MTHFD1L: variants seen among roughly 807,000 people sequenced by gnomAD.
MTHFD1L encodes monofunctional C1-tetrahydrofolate synthase, mitochondrial.
Under a neutral mutation model 119.5 loss-of-function variants are expected in MTHFD1L, and 81 were observed. The observed-to-expected ratio is 0.68, with a 90% CI of 0.57 to 0.82. MTHFD1L has a LOEUF of 0.82. Among genes scored for constraint, MTHFD1L ranks in the 40% least tolerant of loss-of-function variants. MTHFD1L has a pLI of 0.00. For synonymous variants in MTHFD1L, 430 were observed against 475.2 expected (o/e 0.90, Z 1.24); for missense variants, 1,125 against 1,253.4 (o/e 0.90, Z 1.55).
At chr6:151,015,056 A>G in intron 23 of MTHFD1L, 76 bp downstream of exon 23, 2 of 1,215,682 alleles carry the variant, frequency 1.6e-6, no homozygotes, top group Non-Finnish European at 2.4e-6. Context: ...GTCTTGGGGT[A>G]TTTGGTCTTT....
intron 19 of MTHFD1L, among the ~76,000 whole-genome samples, chr6:150,968,965 C>G (rs1797639205): frequency 6.6e-6 from 1 of 151,098 alleles, no homozygotes; most frequent in African/African-American, 2.4e-5. Context: ...TCTCCTGCCT[C>G]AGCCTCCTGA....
At chr6:151,083,442 C>T (rs1793420106) in intron 26 of MTHFD1L, among the ~76,000 whole-genome samples, 1 of 152,172 alleles carries the variant, frequency 6.6e-6, no homozygotes, top group African/African-American at 2.4e-5. Flanking sequence ...GTGATCTGCC[C>T]ACCTCGGCCT....
At chr6:150,973,505 G>T (rs1302580525) in intron 20 of MTHFD1L, among the ~76,000 whole-genome samples, 1 of 152,222 alleles carries the variant, frequency 6.6e-6, no homozygotes, top group African/African-American at 2.4e-5. Context: ...GCACTGGAAA[G>T]TTGGGTGCTT....
In MTHFD1L at chr6:150,922,303, G is replaced by C. The variant is rs754764613; in HGVS notation, c.1082+1G>C. On this transcript the variant is annotated splice_donor_variant, in intron 10 of 27. Coordinates refer to ENST00000367321, the MANE Select transcript of MTHFD1L (RefSeq NM_015440.5). LOFTEE classifies it high-confidence loss of function. The stretch of plus-strand genomic sequence containing the variant: ...TTCAGCCTCTCTCCCCTGTGCCAAG[G>C]TAACACTGGTGTTTTATTTACACTG... The C allele has an allele frequency of 3.1e-6, 5 of 1,612,904 alleles. No individual in the cohort carries two copies. The South Asian group carries it at 4.4e-5, about 14-fold the overall frequency.
intron 8 of MTHFD1L, among the ~76,000 whole-genome samples, chr6:150,913,770 G>A (rs1431980440): frequency 6.6e-6 from 1 of 152,160 alleles, no homozygotes; most frequent in Non-Finnish European, 1.5e-5. Context: ...TAAGTGGGCT[G>A]ATTGCTTGAG....
intron 11 of MTHFD1L, among the ~76,000 whole-genome samples, chr6:150,927,451 G>C (rs1484986270): frequency 7.3e-6 from 1 of 137,018 alleles, no homozygotes. Context: ...TCACATCCCA[G>C]ATTCTTTTTT....
rs142765069 is a variant in MTHFD1L at position 150,963,077 on chromosome 6, G to C, written c.1945-1892G>C. On this transcript the variant is annotated intron_variant, in intron 18 of 27. Transcript: ENST00000367321. ...ATGACAGGCACCTGCCACCATGCCT[G>C]GCTAATTTTTGTATTTTTAGTAGAG... Among the ~76,000 whole-genome samples the C allele has an allele frequency of 3.7e-3, 560 of 151,890 alleles. 1 individual carries two copies. Among genetic ancestry groups the C allele is most frequent in the Non-Finnish European group, 6.2e-3 (420 of 67,928 alleles).
intron 1 of MTHFD1L, among the ~76,000 whole-genome samples, chr6:150,874,949 C>T (rs1780161357): frequency 6.6e-6 from 1 of 152,060 alleles, no homozygotes. Context: ...GGGGTTTCAC[C>T]ATATTGGCCA....
chr6:150,936,433 A>C (rs1347337591), intron 11 of MTHFD1L, among the ~76,000 whole-genome samples: 1 of 152,148 alleles, frequency 6.6e-6, no homozygotes, highest in Admixed American at 6.6e-5. Flanking sequence ...CTGTGCCCAC[A>C]CCCTGCCCCA....
chr6:151,055,193 G>A (rs1789689928), intron 26 of MTHFD1L, among the ~76,000 whole-genome samples: 1 of 152,122 alleles, frequency 6.6e-6, no homozygotes, highest in South Asian at 2.1e-4. Flanking sequence ...TTAAACCCAG[G>A]AGATGGAGTT....
intron 26 of MTHFD1L, among the ~76,000 whole-genome samples, chr6:151,052,158 C>T (rs1215174405): frequency 2.6e-5 from 4 of 152,202 alleles, no homozygotes; most frequent in Admixed American, 1.3e-4. Context: ...GACTGACCCG[C>T]GAGTGCCCTG....
At chr6:150,967,946 A>G (rs965001981) in intron 19 of MTHFD1L, among the ~76,000 whole-genome samples, 2 of 152,092 alleles carry the variant, frequency 1.3e-5, no homozygotes, top group East Asian at 1.9e-4. Flanking sequence ...GAAAAGCCCT[A>G]GGGATCTGGC....
chr6:151,021,974 A>C, intron 24 of MTHFD1L: 1 of 470,436 alleles, frequency 2.1e-6, no homozygotes, highest in Non-Finnish European at 4.4e-6. Flanking sequence ...CCTTGACAGC[A>C]AGACAGGATA....
chr6:150,990,233 T>C (rs1778867763), intron 20 of MTHFD1L, among the ~76,000 whole-genome samples: 2 of 151,572 alleles, frequency 1.3e-5, no homozygotes, highest in Admixed American at 6.6e-5. Flanking sequence ...GAGCCTAGAT[T>C]GTACCACTGC....
rs960832602 is a variant in MTHFD1L, at chr6:151,061,143, C to T, written c.2847+24026C>T. Reference sequence around the variant, plus strand: ...TAAAGAACCTAGAAACAATTTTAGGCGGAAGATAGTTGTGTTGGGAGCCCC... The same window carrying T: ...TAAAGAACCTAGAAACAATTTTAGGTGGAAGATAGTTGTGTTGGGAGCCCC... On this transcript the variant is annotated intron_variant, in intron 26 of 27. Transcript: ENST00000367321. Among the ~76,000 whole-genome samples the T allele has an allele frequency of 7.2e-5, 11 of 152,200 alleles. No homozygotes were observed. In the East Asian group the frequency reaches 7.7e-4, roughly 11 times the overall value.
chr6:151,006,207 G>C (rs75675341), intron 20 of MTHFD1L, among the ~76,000 whole-genome samples: 1,915 of 151,872 alleles, frequency 0.013, 53 homozygotes, highest in African/African-American at 0.042. Context: ...GGTGGGATGG[G>C]CGGGAGGAGT....
intron 26 of MTHFD1L, among the ~76,000 whole-genome samples, chr6:151,080,524 G>T (rs780520084): frequency 6.6e-6 from 1 of 152,196 alleles, no homozygotes; most frequent in Non-Finnish European, 1.5e-5. Flanking sequence ...AGAAGCCTTT[G>T]CAAGTAGCAT....
At chr6:150,917,074 C>A (rs1788106824) in intron 8 of MTHFD1L, among the ~76,000 whole-genome samples, 1 of 150,520 alleles carries the variant, frequency 6.6e-6, no homozygotes, top group African/African-American at 2.4e-5. Context: ...TCTATAACTT[C>A]TATGATAGAG....
intron 12 of MTHFD1L, 146 bp downstream of exon 12, chr6:150,937,086 C>G (rs906146132): frequency 4.9e-6 from 5 of 1,027,032 alleles, no homozygotes; most frequent in Non-Finnish European, 6.7e-6. Context: ...ATAGTGGTCG[C>G]CCCATGTTGG....
Sources: gnomAD v4.1 joint callset for allele counts (sites outside exome capture counted in the v4.1 genomes callset) on GRCh38, gnomAD v4.1.1 for gene constraint, MANE v1.5 for transcripts, NCBI Gene and HGNC (gene_info 2026-07-23, HGNC 2026-07-21) for gene names.